Variants in PTPRD observed in about 807,000 individuals in gnomAD.
PTPRD encodes the protein protein tyrosine phosphatase receptor type D, also known as receptor-type tyrosine-protein phosphatase delta.
In PTPRD, 34 loss-of-function variants were observed where a neutral mutation model predicts 214.5. That is an observed-to-expected ratio of 0.16 (90% confidence interval 0.12 to 0.21). PTPRD has a LOEUF of 0.21. Ranked by LOEUF, PTPRD falls within the 10% of genes least tolerant of loss-of-function variation. PTPRD has a pLI of 1.00. For missense variants in PTPRD, 2,545 were observed against 2,398.7 expected, an observed-to-expected ratio of 1.06 and a Z score of -1.27; for synonymous variants, 1,128 against 845.7, an observed-to-expected ratio of 1.33 and a Z score of -5.79.
intron 14 of PTPRD, among the ~76,000 whole-genome samples, chr9:8,618,663 C>T (rs1438059381): frequency 6.6e-6 from 1 of 151,846 alleles, no homozygotes; most frequent in Non-Finnish European, 1.5e-5. Context: ...CCTGTGGTTG[C>T]CTCAAACATT....
chr9:8,765,973 A>G (rs2094706961), intron 11 of PTPRD, among the ~76,000 whole-genome samples: 2 of 152,168 alleles, frequency 1.3e-5, no homozygotes, highest in South Asian at 4.1e-4. Flanking sequence ...CTCTAAAGCT[A>G]TAAACAGGTA....
chr9:10,145,969 T>A (rs10958915), intron 3 of PTPRD, among the ~76,000 whole-genome samples: 50,251 of 151,668 alleles, frequency 0.33, 8,530 homozygotes, highest in South Asian at 0.41. Context: ...TTAAGATAAA[T>A]TGATATGTTC....
chr9:8,497,110 A>T lies in PTPRD; in HGVS notation c.2349+132T>A. ...ATAAAAAGTGCACCACACAGTGAAG[A>T]TAACTTAAAAATAATTTGTTAGTTC... On this transcript the variant is annotated intron_variant, in intron 26 of 45. Coordinates refer to ENST00000381196, the MANE Select transcript of PTPRD (RefSeq NM_002839.4). 3.9e-6 allele frequency: 3 copies of T among 775,616 alleles called. No individual in the cohort carries two copies. In the South Asian group the frequency reaches 5.4e-5, roughly 14 times the overall value. The allele number at this position is 775,616 out of a possible 1,614,324, so 48.0% of individuals were successfully genotyped here. A position where few individuals can be genotyped will look rare whatever the true frequency, so the allele number is the denominator to read the frequency against.
intron 3 of PTPRD, among the ~76,000 whole-genome samples, chr9:10,248,047 C>T (rs2092363696): frequency 6.6e-6 from 1 of 152,078 alleles, no homozygotes; most frequent in Admixed American, 6.6e-5. Context: ...CTCTCTCTTG[C>T]CTGCTGCCAT....
At position 10,258,393 on chromosome 9, in the gene PTPRD, A is replaced by T. The variant is rs201260992; in HGVS notation, c.-545+82570T>A. ...AGGGATGAAGGTAGAATATTATAAC[A>T]TAAGAGAACAGAGGAACATAGGCTT... is the stretch of plus-strand genomic sequence containing the variant. On this transcript the variant is annotated intron_variant, in intron 3 of 45. Transcript: ENST00000381196. Among the ~76,000 whole-genome samples the T allele has an allele frequency of 4.6e-5, 7 of 152,198 alleles. No homozygotes were observed. The East Asian group carries it at 1.3e-3, about 29-fold the overall frequency.
At chr9:10,336,700 G>A (rs1215803123) in intron 3 of PTPRD, among the ~76,000 whole-genome samples, 1 of 151,442 alleles carries the variant, frequency 6.6e-6, no homozygotes, top group Admixed American at 6.6e-5. Flanking sequence ...AAATCGAGGA[G>A]GGGAGACAAA....
intron 7 of PTPRD, among the ~76,000 whole-genome samples, chr9:9,582,467 G>A (rs2091043536): frequency 6.6e-6 from 1 of 152,066 alleles, no homozygotes. Context: ...TCAAATGACA[G>A]TGTGGCATGT....
At chr9:9,415,996 T>C (rs2076889800) in intron 8 of PTPRD, among the ~76,000 whole-genome samples, 1 of 152,152 alleles carries the variant, frequency 6.6e-6, no homozygotes, top group African/African-American at 2.4e-5. Context: ...ATAGGATAGA[T>C]GTAGGAAATG....
chr9:8,948,469 A>ATATATT lies in PTPRD; in HGVS notation c.-104+70227_-104+70228insAATATA, dbSNP rs2099081565. On this transcript the variant is annotated intron_variant, in intron 11 of 45. Coordinates refer to ENST00000381196, the MANE Select transcript of PTPRD (RefSeq NM_002839.4). The stretch of plus-strand genomic sequence containing the variant: ...TATATATATTTATATATATATTTAC[A>ATATATT]TATATATATATTTATATATATATTT... 9.9e-4 allele frequency among the ~76,000 whole-genome samples: 7 copies of ATATATT among 7,048 alleles called. No homozygotes were observed. The South Asian group carries it at 0.039, about 40-fold the overall frequency. The allele number at this position is 7,048 out of a possible 152,430, so 4.6% of individuals were successfully genotyped here.
At chr9:8,532,448 C>T (rs1200429595) in intron 14 of PTPRD, among the ~76,000 whole-genome samples, 1 of 151,990 alleles carries the variant, frequency 6.6e-6, no homozygotes, top group Non-Finnish European at 1.5e-5. Flanking sequence ...GTACCAGGAA[C>T]TTGGGAATCA....
At chr9:8,617,837 A>AAGGC (rs2095662909) in intron 14 of PTPRD, among the ~76,000 whole-genome samples, 1 of 152,122 alleles carries the variant, frequency 6.6e-6, no homozygotes, top group Non-Finnish European at 1.5e-5. Flanking sequence ...TTGCCATTGA[A>AAGGC]AGGCACATCT....
chr9:8,592,935 T>C (rs2094221320), intron 14 of PTPRD, among the ~76,000 whole-genome samples: 1 of 152,112 alleles, frequency 6.6e-6, no homozygotes, highest in Non-Finnish European at 1.5e-5. Flanking sequence ...AGAAGGACAA[T>C]ATAAACAAAT....
intron 3 of PTPRD, among the ~76,000 whole-genome samples, chr9:10,052,092 G>T (rs997674645): frequency 1.3e-5 from 2 of 152,002 alleles, no homozygotes; most frequent in African/African-American, 4.8e-5. Flanking sequence ...CCACAGGCAG[G>T]TGCCACCATG....
intron 37 of PTPRD, 104 bp downstream of exon 37, chr9:8,389,128 G>C: frequency 1.0e-6 from 1 of 982,064 alleles, no homozygotes; most frequent in Non-Finnish European, 1.5e-6. Flanking sequence ...CTGTTAGAAA[G>C]ATAAGCCTTA....
intron 8 of PTPRD, among the ~76,000 whole-genome samples, chr9:9,436,134 G>A (rs938585621): frequency 9.2e-5 from 14 of 152,300 alleles, no homozygotes; most frequent in African/African-American, 3.4e-4. Flanking sequence ...GTCAATGGGG[G>A]ATGGTAGCTG....
At chr9:9,914,113 T>G (rs562225512) in intron 5 of PTPRD, among the ~76,000 whole-genome samples, 1 of 152,240 alleles carries the variant, frequency 6.6e-6, no homozygotes, top group African/African-American at 2.4e-5. Flanking sequence ...AACCCACCCT[T>G]GAACTAGCCA....
chr9:10,104,047 A>T (rs2098598822), intron 3 of PTPRD, among the ~76,000 whole-genome samples: 1 of 151,758 alleles, frequency 6.6e-6, no homozygotes, highest in Admixed American at 6.6e-5. Context: ...CATTATGTTA[A>T]GTGAAATAAG....
At chr9:8,586,400 C>T (rs1260397773) in intron 14 of PTPRD, among the ~76,000 whole-genome samples, 2 of 152,166 alleles carry the variant, frequency 1.3e-5, no homozygotes, top group Non-Finnish European at 2.9e-5. Flanking sequence ...TATTTCTTCC[C>T]TTCTTCACCA....
At chr9:10,135,750 G>T (rs887267601) in intron 3 of PTPRD, among the ~76,000 whole-genome samples, 2 of 151,774 alleles carry the variant, frequency 1.3e-5, no homozygotes, top group African/African-American at 2.4e-5. Context: ...AGAAATGAAA[G>T]AACAGTGCCT....
Sources: allele counts gnomAD v4.1 joint callset (sites outside exome capture counted in the v4.1 genomes callset), GRCh38; gene constraint gnomAD v4.1.1; transcripts MANE v1.5; gene names NCBI Gene and HGNC (gene_info 2026-07-23, HGNC 2026-07-21).